HEATR4: variants seen among roughly 807,000 people sequenced by gnomAD.
HEATR4 encodes the protein HEAT repeat containing 4, also known as HEAT repeat-containing protein 4.
A neutral mutation model predicts 108.8 loss-of-function variants in HEATR4; 95 were observed. That is an observed-to-expected ratio of 0.87 (90% CI 0.74 to 1.04). The LOEUF (loss-of-function observed/expected upper bound fraction) is 1.04, where lower values mean the gene tolerates loss of function less well. Ranked by LOEUF, HEATR4 falls within the 50% of genes least tolerant of loss-of-function variation. The pLI is 0.00. For missense variants in HEATR4, 1,152 were observed against 1,253.8 expected, an observed-to-expected ratio of 0.92 and a Z score of 1.23; for synonymous variants, 443 against 459.4, an observed-to-expected ratio of 0.96 and a Z score of 0.46.
chr14:73,574,454 T>G, the HEATR4 span: 1 of 260,432 alleles, frequency 3.8e-6, no homozygotes, highest in African/African-American at 2.2e-5. Context: ...TTAGTAGAGA[T>G]GTTTCACCAT....
At chr14:73,497,518 C>G (rs750919523) in intron 14 of HEATR4, among the ~76,000 whole-genome samples, 1 of 152,170 alleles carries the variant, frequency 6.6e-6, no homozygotes, top group Non-Finnish European at 1.5e-5. Flanking sequence ...GCTCACATAG[C>G]TATTGCATGC....
chr14:73,519,200 C>A, intron 4 of HEATR4, 37 bp from the exon 5 acceptor site: 1 of 1,585,992 alleles, frequency 6.3e-7, no homozygotes, highest in Non-Finnish European at 8.6e-7. Flanking sequence ...TCCCCTATAA[C>A]CTCCCTATTT....
In HEATR4 at chr14:73,492,433, G is replaced by T; in HGVS notation, c.2844+633C>A. On this transcript the variant is annotated intron_variant, in intron 17 of 17. Transcript: ENST00000553558. This position sits in a 1 kb window ranked among gnomAD's most constrained non-coding sequence, Gnocchi z 4.9. ...CCCAGCATTCAGATTCTAAGGATCC[G>T]CGAAGAACCGCTTTCATGGAGAAGG... 1 of 1,613,692 alleles carries T rather than the reference G, an allele frequency of 6.2e-7. No homozygotes were observed. Among genetic ancestry groups the T allele is most frequent in the Non-Finnish European group, 8.5e-7 (1 of 1,179,750 alleles).
chr14:73,615,320 G>A, the HEATR4 span, among the ~76,000 whole-genome samples: 1 of 148,492 alleles, frequency 6.7e-6, no homozygotes, highest in Non-Finnish European at 1.5e-5. Flanking sequence ...CCGGCAGGTG[G>A]AGGTTGCAGT....
chr14:73,600,519 T>A, the HEATR4 span, among the ~76,000 whole-genome samples: 6,689 of 152,110 alleles, frequency 0.044, 178 homozygotes, highest in Admixed American at 0.073. Flanking sequence ...TGGCGTGATC[T>A]CAGCTCACTA....
At chr14:73,523,519 C>G (rs969079925) in intron 2 of HEATR4, among the ~76,000 whole-genome samples, 6 of 152,182 alleles carry the variant, frequency 3.9e-5, no homozygotes, top group Non-Finnish European at 8.8e-5. Context: ...ATGTTGCTTT[C>G]TTTCATTCAA....
chr14:73,572,639 ATTTTTT>A, the HEATR4 span, among the ~76,000 whole-genome samples: 33 of 107,174 alleles, frequency 3.1e-4, 1 homozygote, highest in Non-Finnish European at 5.0e-4. Context: ...AGGTGTTTGC[ATTTTTT>A]TTTTTTTTTT....
At position 73,484,132 on chromosome 14, in the gene HEATR4, C is replaced by G. The variant is rs545031074; in HGVS notation, c.2845-5290G>C. On this transcript the variant is annotated intron_variant, in intron 17 of 17. Transcript: ENST00000553558. ...TCTGCCTCCCAAAGTGCTGGGATTG[C>G]AGGCGTGAGCCATCATGCCTGGCCT... is the stretch of plus-strand genomic sequence containing the variant. Among the ~76,000 whole-genome samples the G allele has an allele frequency of 6.0e-4, 91 of 152,050 alleles. 1 individual carries two copies. The highest frequency in any genetic ancestry group is 5.8e-3 in the South Asian group (28 of 4,808).
chr14:73,632,487 A>T, the HEATR4 span, among the ~76,000 whole-genome samples: 2 of 152,156 alleles, frequency 1.3e-5, no homozygotes, highest in Admixed American at 1.3e-4. Flanking sequence ...ATATGTATGA[A>T]TGAAAAACTA....
At chr14:73,612,470 T>G in the HEATR4 span, 1 of 826,410 alleles carries the variant, frequency 1.2e-6, no homozygotes, top group Non-Finnish European at 1.7e-6. Context: ...GGGAGTAGTG[T>G]TAAGGGCTCC....
chr14:73,506,482 A>T lies in HEATR4; in HGVS notation c.1971T>A (p.Ser657Arg), dbSNP rs375929384. 1.9e-6 allele frequency: 3 copies of T among 1,613,462 alleles called. No individual in the cohort carries two copies. The highest frequency in any genetic ancestry group is 2.5e-6 in the Non-Finnish European group (3 of 1,179,798). ...IVACQAFSRI[S>R]GNVCLDMKHK... ...AGAGGTTTACCAAGCAGACATTTCC[A>T]CTGATCCGGGAGAAAGCCTGGCAGG... The change falls in exon 10 of 18, where the codon AGT (serine) becomes AGA (arginine). Residue 657 changes from serine to arginine, a missense_variant. Physicochemically the swap from Ser to Arg is moderately radical, Grantham distance 110. Transcript: ENST00000553558.
chr14:73,627,015 C>T, the HEATR4 span, among the ~76,000 whole-genome samples: 92 of 151,714 alleles, frequency 6.1e-4, no homozygotes, highest in African/African-American at 2.0e-3. Context: ...TGGTCTCAAA[C>T]TCCTGACCTC....
At chr14:73,597,242 G>A in the HEATR4 span, among the ~76,000 whole-genome samples, 215 of 151,740 alleles carry the variant, frequency 1.4e-3, 1 homozygote, top group African/African-American at 4.6e-3. Flanking sequence ...CCGCCACCAC[G>A]CCTGGCTAAT....
chr14:73,568,486 G>A, the HEATR4 span, among the ~76,000 whole-genome samples: 1 of 152,064 alleles, frequency 6.6e-6, no homozygotes, highest in African/African-American at 2.4e-5. Context: ...TTGAGCACCA[G>A]GAGTTGGAGG....
At chr14:73,506,825 T>TTGTTTTTTTTTTTTTTTTTC (rs60290843) in intron 9 of HEATR4, among the ~76,000 whole-genome samples, 1 of 126,132 alleles carries the variant, frequency 7.9e-6, no homozygotes, top group South Asian at 2.4e-4. Context: ...TTTTTTTTTT[T>TTGTTTTTTTTTTTTTTTTTC]CTGAGAAGGT....
At chr14:73,581,261 T>C in the HEATR4 span, 1 of 151,782 alleles carries the variant, frequency 6.6e-6, no homozygotes, top group African/African-American at 2.4e-5. Context: ...AGCTAGGAAA[T>C]CCAAGATCAA....
chr14:73,576,052 C>T, the HEATR4 span, among the ~76,000 whole-genome samples: 1 of 151,914 alleles, frequency 6.6e-6, no homozygotes, highest in Non-Finnish European at 1.5e-5. Context: ...ACTTGGGAGG[C>T]TGAGGCAGGA....
the HEATR4 span, among the ~76,000 whole-genome samples, chr14:73,610,126 T>G: frequency 6.6e-6 from 1 of 152,156 alleles, no homozygotes; most frequent in African/African-American, 2.4e-5. Flanking sequence ...GAATCTTTCT[T>G]GGACCTCAAA....
chr14:73,587,148 C>CAA, the HEATR4 span, among the ~76,000 whole-genome samples: 1 of 145,760 alleles, frequency 6.9e-6, no homozygotes, highest in African/African-American at 2.6e-5. Flanking sequence ...AAAACAAAAA[C>CAA]AAAAAAAAGA....
Sources: allele counts gnomAD v4.1 joint callset (sites outside exome capture counted in the v4.1 genomes callset), GRCh38; gene constraint gnomAD v4.1.1; non-coding constraint Gnocchi (gnomAD v3.1); transcripts MANE v1.5; gene names NCBI Gene and HGNC (gene_info 2026-07-23, HGNC 2026-07-21).